Variants in PHF24 observed in about 807,000 individuals in gnomAD.
PHF24 encodes PHD finger protein 24, also known as Galpha inhibitory interacting protein.
PHF24 carries 25 observed loss-of-function variants against 42.6 expected under a neutral mutation model. That is an observed-to-expected ratio of 0.59 (90% CI 0.43 to 0.82). The LOEUF is 0.82. Ranked by LOEUF, PHF24 falls within the 40% of genes least tolerant of loss-of-function variation. The pLI is 0.00. For synonymous variants in PHF24, 185 were observed against 204.8 expected (o/e 0.90, Z 0.83); for missense variants, 470 against 538.1 (o/e 0.87, Z 1.25).
At chr9:34,709,821 G>A in the PHF24 span, 8 of 1,614,110 alleles carry the variant, frequency 5.0e-6, no homozygotes, top group South Asian at 8.8e-5. Flanking sequence ...CCTGCTTCCG[G>A]TAGCTGCGGA....
the PHF24 span, among the ~76,000 whole-genome samples, chr9:34,677,389 GTTTTTT>G: frequency 7.5e-5 from 6 of 79,776 alleles, no homozygotes; most frequent in African/African-American, 1.1e-4. Flanking sequence ...TTTGTAAACT[GTTTTTT>G]TTTTTTTTTT....
At chr9:34,936,050 C>G in the PHF24 span, among the ~76,000 whole-genome samples, 1 of 150,592 alleles carries the variant, frequency 6.6e-6, no homozygotes, top group Admixed American at 6.6e-5. Flanking sequence ...CCGCTCCCAC[C>G]CCCTCTCCCT....
chr9:34,963,258 GTTT>G (rs55701555), intron 1 of PHF24, among the ~76,000 whole-genome samples: 115 of 117,074 alleles, frequency 9.8e-4, no homozygotes, highest in African/African-American at 1.8e-3. Flanking sequence ...CTTTTTGATG[GTTT>G]TTTTTTTTTT....
the PHF24 span, among the ~76,000 whole-genome samples, chr9:34,878,988 A>G: frequency 2.3e-4 from 35 of 152,294 alleles, no homozygotes; most frequent in East Asian, 6.6e-3. Context: ...TCATACAGCC[A>G]GGTGCCCTTT....
At chr9:34,889,310 G>A in the PHF24 span, 4 of 398,576 alleles carry the variant, frequency 1.0e-5, no homozygotes, top group Non-Finnish European at 1.8e-5. Flanking sequence ...TTGTAGGAGT[G>A]GCACAGGACC....
chr9:34,725,612 C>T, the PHF24 span: 1 of 1,524,826 alleles, frequency 6.6e-7, no homozygotes, highest in Non-Finnish European at 8.9e-7. Context: ...GTGCTGAGAC[C>T]TCTGGAGGGC....
chr9:34,746,848 T>A, the PHF24 span, among the ~76,000 whole-genome samples: 1 of 152,156 alleles, frequency 6.6e-6, no homozygotes, highest in Non-Finnish European at 1.5e-5. Flanking sequence ...TGTGGGCCCA[T>A]CCTGTTGCTT....
the PHF24 span, among the ~76,000 whole-genome samples, chr9:34,852,788 T>C: frequency 1.3e-5 from 2 of 152,210 alleles, no homozygotes; most frequent in Admixed American, 6.5e-5. Context: ...GACCTTTGGC[T>C]TTCCTGTACA....
chr9:34,751,917 C>G, the PHF24 span, among the ~76,000 whole-genome samples: 3 of 151,934 alleles, frequency 2.0e-5, no homozygotes, highest in South Asian at 2.1e-4. Flanking sequence ...ATTATATAAA[C>G]AGATGGAAAT....
chr9:34,915,303 C>T, the PHF24 span, among the ~76,000 whole-genome samples: 2 of 151,976 alleles, frequency 1.3e-5, no homozygotes, highest in Non-Finnish European at 1.5e-5. Flanking sequence ...TCTGCTTTTC[C>T]TAGTCAAAGC....
At chr9:34,834,049 T>G in the PHF24 span, 8 of 1,549,118 alleles carry the variant, frequency 5.2e-6, no homozygotes, top group East Asian at 2.5e-5. Context: ...CAGTACCTGG[T>G]AAGGCCTGTT....
chr9:34,702,263 A>G, the PHF24 span, among the ~76,000 whole-genome samples: 1 of 151,608 alleles, frequency 6.6e-6, no homozygotes, highest in Non-Finnish European at 1.5e-5. Context: ...TTCAACCCCC[A>G]CTCCTGTTTT....
chr9:34,723,270 G>A, the PHF24 span: 39 of 1,551,650 alleles, frequency 2.5e-5, no homozygotes, highest in Middle Eastern at 1.7e-4. Context: ...CAAGCCTCTC[G>A]AGGACAGTGA....
the PHF24 span, chr9:34,838,216 TATAAA>T: frequency 1.7e-6 from 1 of 604,288 alleles, no homozygotes. Flanking sequence ...GAAAAGACTA[TATAAA>T]AGTAACTAAA....
the PHF24 span, among the ~76,000 whole-genome samples, chr9:34,899,042 C>A: frequency 2.0e-5 from 3 of 152,286 alleles, no homozygotes; most frequent in Non-Finnish European, 4.4e-5. Context: ...GGCTCATCGA[C>A]AAGGGTGCTT....
the PHF24 span, among the ~76,000 whole-genome samples, chr9:34,840,641 T>A: frequency 6.6e-6 from 1 of 152,012 alleles, no homozygotes; most frequent in African/African-American, 2.4e-5. Context: ...GGGTTCCTCT[T>A]GCCTCAGCCT....
At chr9:34,758,083 G>C in the PHF24 span, among the ~76,000 whole-genome samples, 1 of 151,968 alleles carries the variant, frequency 6.6e-6, no homozygotes. The surrounding 1 kb of genome is among the most constrained non-coding windows in gnomAD (Gnocchi z 4.4). Flanking sequence ...AGTCTGCTTG[G>C]CTGGCTTGGG....
the PHF24 span, among the ~76,000 whole-genome samples, chr9:34,869,455 C>T: frequency 5.3e-5 from 8 of 152,140 alleles, no homozygotes; most frequent in Non-Finnish European, 7.4e-5. Flanking sequence ...TTCTGACTGA[C>T]GTGAGATGTT....
chr9:34,770,419 G>C, the PHF24 span, among the ~76,000 whole-genome samples: 1 of 152,274 alleles, frequency 6.6e-6, no homozygotes, highest in Non-Finnish European at 1.5e-5. Flanking sequence ...TCATTGGTGA[G>C]AGTGCAAAAT....
Sources: gnomAD v4.1 joint callset for allele counts (sites outside exome capture counted in the v4.1 genomes callset) on GRCh38, gnomAD v4.1.1 for gene constraint, Gnocchi (gnomAD v3.1) non-coding constraint, MANE v1.5 for transcripts, NCBI Gene and HGNC (gene_info 2026-07-23, HGNC 2026-07-21) for gene names.